Variants in TMEM181 observed in about 807,000 individuals in gnomAD.
TMEM181 encodes G protein-coupled receptor 178.
Under a neutral mutation model 71.9 loss-of-function variants are expected in TMEM181, and 39 were observed. The observed-to-expected ratio is 0.54, with a 90% CI of 0.42 to 0.71. The LOEUF (loss-of-function observed/expected upper bound fraction) is 0.71. TMEM181 is among the 30% of genes least tolerant of loss of function. The pLI, the probability that TMEM181 is intolerant of heterozygous loss-of-function variation, is 0.00. For missense variants in TMEM181, 595 were observed against 583.0 expected, an observed-to-expected ratio of 1.02 and a Z score of -0.21; for synonymous variants, 245 against 228.8, an observed-to-expected ratio of 1.07 and a Z score of -0.64.
chr6:158,580,824 C>A, intron 2 of TMEM181, 116 bp from the exon 3 acceptor site: 1 of 845,784 alleles, frequency 1.2e-6, no homozygotes, highest in South Asian at 1.9e-5. Flanking sequence ...AAAGAAAAAC[C>A]AGGTGAATTA....
intron 14 of TMEM181, among the ~76,000 whole-genome samples, chr6:158,628,794 G>A (rs959288077): frequency 3.9e-5 from 6 of 152,256 alleles, no homozygotes; most frequent in Non-Finnish European, 8.8e-5. Context: ...ACGCCACGCT[G>A]CTTTCCACCC....
chr6:158,623,285 T>C (rs1786078222), intron 10 of TMEM181, among the ~76,000 whole-genome samples: 1 of 152,178 alleles, frequency 6.6e-6, no homozygotes, highest in Non-Finnish European at 1.5e-5. Flanking sequence ...AGAAATAGTA[T>C]ATAGGGTTTT....
At chr6:158,579,323 T>G (rs1381002524) in intron 2 of TMEM181, among the ~76,000 whole-genome samples, 2 of 151,700 alleles carry the variant, frequency 1.3e-5, no homozygotes, top group Non-Finnish European at 2.9e-5. Flanking sequence ...GCAGCATTAT[T>G]CACAATAACA....
upstream of TMEM181, among the ~76,000 whole-genome samples, chr6:158,558,365 CAG>C (rs761641297): frequency 1.9e-4 from 29 of 152,266 alleles, no homozygotes; most frequent in Middle Eastern, 3.4e-3. Flanking sequence ...ATTTTAGAAT[CAG>C]AAGTGTCGAA....
chr6:158,562,364 T>C (rs546428000), intron 1 of TMEM181, among the ~76,000 whole-genome samples: 1 of 152,316 alleles, frequency 6.6e-6, no homozygotes, highest in Non-Finnish European at 1.5e-5. Flanking sequence ...GCTACAGGGC[T>C]GCACGGAGTT....
chr6:158,595,242 C>T (rs1583004081), intron 6 of TMEM181, among the ~76,000 whole-genome samples: 1 of 152,206 alleles, frequency 6.6e-6, no homozygotes, highest in Non-Finnish European at 1.5e-5. Flanking sequence ...TTATTTCTAT[C>T]TAATCTGGCT....
chr6:158,629,798 C>T lies in TMEM181; in HGVS notation c.1261C>T (p.Pro421Ser), dbSNP rs370364023. ...YLYTLAFVYSPSKNALYESQL... is the reference protein window; with the variant it reads ...YLYTLAFVYSSSKNALYESQL... ...CTACACCTTGGCCTTTGTATATTCTCCATCGAAGAATGCCCTCTATGGTAA... is the reference window on the plus strand; with the variant it reads ...CTACACCTTGGCCTTTGTATATTCTTCATCGAAGAATGCCCTCTATGGTAA... Residue 421 changes from proline to serine, a missense_variant, in exon 15 of 17, where the codon CCA becomes TCA. Coordinates refer to ENST00000684151, the MANE Select transcript of TMEM181 (RefSeq NM_001376852.1). 15 of 1,614,032 alleles carry T rather than the reference C, an allele frequency of 9.3e-6. No homozygotes were observed. In the South Asian group the frequency reaches 1.3e-4, roughly 14 times the overall value.
intron 1 of TMEM181, among the ~76,000 whole-genome samples, chr6:158,569,940 T>G (rs2128291324): frequency 6.6e-6 from 1 of 152,316 alleles, no homozygotes; most frequent in South Asian, 2.1e-4. Context: ...TTTGCAACGT[T>G]CCTTCTCATT....
In TMEM181 at chr6:158,605,156, G is replaced by GTGTA. The variant is rs1554227516; in HGVS notation, c.493-107_493-104dup. 12 of 568,870 alleles carry GTGTA rather than the reference G, an allele frequency of 2.1e-5. 1 individual carries two copies. Among genetic ancestry groups the GTGTA allele is most frequent in the Non-Finnish European group, 3.4e-5 (11 of 321,282 alleles). The allele number at this position is 568,870 out of a possible 1,614,324, so 35.2% of individuals were successfully genotyped here. A position where few individuals can be genotyped will look rare whatever the true frequency, so the allele number is the denominator to read the frequency against. On this transcript the variant is annotated intron_variant, in intron 6 of 16. Transcript: ENST00000684151. ...AGTGTGTGTGTGTGTGTGTGTGTGT[G>GTGTA]TGTATGTGTATATATTGTCTCATCT...
chr6:158,560,152 C>G lies in TMEM181; in HGVS notation c.-73C>G. The G allele has an allele frequency of 1.0e-6, 1 of 984,870 alleles. No individual in the cohort carries two copies. Among genetic ancestry groups the G allele is most frequent in the Non-Finnish European group, 1.2e-6 (1 of 829,724 alleles). The allele number at this position is 984,870 out of a possible 1,614,324, so 61.0% of individuals were successfully genotyped here. A position where few individuals can be genotyped will look rare whatever the true frequency, so the allele number is the denominator to read the frequency against. ...GCTCCGGCTCCGGCTGCGGCTGCCG[C>G]TGCCGAGGCTGCTGCGCGGCGCCTG... On this transcript the variant is annotated 5_prime_UTR_variant, in exon 1 of 17. Coordinates refer to ENST00000684151, the MANE Select transcript of TMEM181 (RefSeq NM_001376852.1).
intron 6 of TMEM181, among the ~76,000 whole-genome samples, chr6:158,590,592 T>C (rs1358573406): frequency 6.6e-6 from 1 of 152,184 alleles, no homozygotes; most frequent in Non-Finnish European, 1.5e-5. Flanking sequence ...GCCTCCCAAG[T>C]AGCTGGGATT....
intron 1 of TMEM181, among the ~76,000 whole-genome samples, chr6:158,570,379 C>A (rs1053669490): frequency 6.6e-6 from 1 of 151,810 alleles, no homozygotes; most frequent in Non-Finnish European, 1.5e-5. Flanking sequence ...ACTACAGGTG[C>A]CCGCCACAAA....
intron 10 of TMEM181, chr6:158,611,175 C>T (rs1785282272): frequency 1.9e-6 from 1 of 527,852 alleles, no homozygotes; most frequent in African/African-American, 1.9e-5. Context: ...CTGCTCCTCT[C>T]TGGCACTGTC....
Position 158,631,978 on chromosome 6 carries a change from CT to C in TMEM181, c.*92del. ...CTTCCCCTGTTATATTCAGATTTTT[CT>C]TACAAGCAGAGATTTCCTGTTCATT... On this transcript the variant is annotated 3_prime_UTR_variant, in exon 17 of 17. Coordinates refer to ENST00000684151, the MANE Select transcript of TMEM181 (RefSeq NM_001376852.1). 1.6e-6 allele frequency: 2 copies of C among 1,216,224 alleles called. No individual in the cohort carries two copies. The highest frequency in any genetic ancestry group is 2.3e-6 in the Non-Finnish European group (2 of 859,570). The allele number at this position is 1,216,224 out of a possible 1,614,324, so 75.3% of individuals were successfully genotyped here. A position where few individuals can be genotyped will look rare whatever the true frequency, so the allele number is the denominator to read the frequency against.
chr6:158,627,036 T>TAC (rs558978521), intron 13 of TMEM181, among the ~76,000 whole-genome samples: 1 of 111,968 alleles, frequency 8.9e-6, no homozygotes, highest in Non-Finnish European at 1.8e-5. Context: ...CACACATCCT[T>TAC]ACACACACCC....
At chr6:158,630,026 CAG>C (rs1469194968) in intron 15 of TMEM181, among the ~76,000 whole-genome samples, 3 of 152,210 alleles carry the variant, frequency 2.0e-5, no homozygotes, top group African/African-American at 7.2e-5. Context: ...GTCATTCCCA[CAG>C]AGTTGACACA....
intron 10 of TMEM181, among the ~76,000 whole-genome samples, chr6:158,618,534 T>C (rs1490756684): frequency 6.6e-6 from 1 of 152,240 alleles, no homozygotes; most frequent in Non-Finnish European, 1.5e-5. Context: ...ATCCTGCCAT[T>C]ATGATATTAG....
intron 10 of TMEM181, chr6:158,611,427 C>T (rs760022458): frequency 9.3e-6 from 5 of 539,168 alleles, no homozygotes; most frequent in Admixed American, 2.0e-5. Flanking sequence ...GCCCTGATGT[C>T]GAAGTCTATC....
chr6:158,574,620 C>T (rs1439232293), intron 2 of TMEM181, among the ~76,000 whole-genome samples: 1 of 152,140 alleles, frequency 6.6e-6, no homozygotes, highest in African/African-American at 2.4e-5. Flanking sequence ...AAAGTGTGCA[C>T]CAAGGCTGAG....
Sources: gnomAD v4.1 joint callset for allele counts (sites outside exome capture counted in the v4.1 genomes callset) on GRCh38, gnomAD v4.1.1 for gene constraint, MANE v1.5 for transcripts, NCBI Gene and HGNC (gene_info 2026-07-23, HGNC 2026-07-21) for gene names.